KIAA1549: variants seen among roughly 807,000 people sequenced by gnomAD.
The protein encoded by KIAA1549 is KIAA1549.
Under a neutral mutation model 156.4 loss-of-function variants are expected in KIAA1549, and 70 were observed. That is an observed-to-expected ratio of 0.45 (90% confidence interval 0.37 to 0.55). KIAA1549 has a LOEUF of 0.55. Among genes scored for constraint, KIAA1549 ranks in the 20% least tolerant of loss-of-function variants. The pLI is 0.00. For missense variants in KIAA1549, 2,428 were observed against 2,540.9 expected, an observed-to-expected ratio of 0.96 and a Z score of 0.96; for synonymous variants, 1,103 against 1,066.4, an observed-to-expected ratio of 1.03 and a Z score of -0.67.
intron 1 of KIAA1549, among the ~76,000 whole-genome samples, chr7:138,969,074 C>G (rs1021563420): frequency 5.9e-5 from 9 of 152,080 alleles, no homozygotes; most frequent in Admixed American, 3.3e-4. Flanking sequence ...TGCTCCTCTC[C>G]TTCCTCCCAC....
chr7:138,840,364 A>C (rs895457593), intron 18 of KIAA1549, 86 bp from the exon 19 acceptor site: 9 of 1,165,014 alleles, frequency 7.7e-6, no homozygotes, highest in Non-Finnish European at 1.1e-5. Context: ...GACACTGTCA[A>C]CTCTGACCAC....
chr7:138,964,765 G>C (rs1057178721), intron 1 of KIAA1549, among the ~76,000 whole-genome samples: 1 of 152,206 alleles, frequency 6.6e-6, no homozygotes, highest in South Asian at 2.1e-4. Context: ...TGGCACTCTG[G>C]TGCATTGCTA....
At chr7:138,910,209 CT>C (rs1812129494) in intron 4 of KIAA1549, among the ~76,000 whole-genome samples, 1 of 151,904 alleles carries the variant, frequency 6.6e-6, no homozygotes, top group African/African-American at 2.4e-5. Flanking sequence ...TTTGTACATG[CT>C]TGAAATTTCC....
chr7:138,961,879 AAAAG>A (rs1279112791), intron 1 of KIAA1549, among the ~76,000 whole-genome samples: 2 of 151,838 alleles, frequency 1.3e-5, no homozygotes, highest in African/African-American at 4.8e-5. Flanking sequence ...AAGGAAAAAG[AAAAG>A]AAAGGAAGAA....
chr7:138,846,533 C>CAAAA (rs1213246866), intron 17 of KIAA1549, among the ~76,000 whole-genome samples: 9 of 59,980 alleles, frequency 1.5e-4, no homozygotes, highest in African/African-American at 3.3e-4. Flanking sequence ...GACTCCATCT[C>CAAAA]AAAAAAAAAA....
chr7:138,970,837 C>T (rs182556276), intron 1 of KIAA1549, among the ~76,000 whole-genome samples: 5 of 152,336 alleles, frequency 3.3e-5, no homozygotes, highest in East Asian at 1.9e-4. Flanking sequence ...AGCTCCCCAA[C>T]AGTATTTACC....
intron 6 of KIAA1549, among the ~76,000 whole-genome samples, chr7:138,906,452 T>C (rs1451021407): frequency 6.6e-6 from 1 of 152,200 alleles, no homozygotes; most frequent in Non-Finnish European, 1.5e-5. Flanking sequence ...GCAGGAGGTA[T>C]ATGGGAAATC....
chr7:138,958,203 A>G (rs139825755), intron 1 of KIAA1549, among the ~76,000 whole-genome samples: 154 of 152,224 alleles, frequency 1.0e-3, no homozygotes, highest in Middle Eastern at 3.4e-3. Context: ...AAGAGGGGCC[A>G]TCTGCGGGTT....
intron 1 of KIAA1549, among the ~76,000 whole-genome samples, chr7:138,938,874 CCT>C (rs1293012915): frequency 6.6e-6 from 1 of 152,088 alleles, no homozygotes; most frequent in Non-Finnish European, 1.5e-5. Flanking sequence ...ACGGCGAAAC[CCT>C]GTGTCTACTA....
rs762072316 is a variant in KIAA1549 at position 138,840,154 on chromosome 7, G to A, written c.5577C>T (p.Asp1859=). The A allele has an allele frequency of 3.4e-5, 53 of 1,553,260 alleles. No individual in the cohort carries two copies. In the Admixed American group the frequency reaches 5.1e-4, roughly 15 times the overall value. ...TCACGGCCTCTCTTCGCCCCGCTTCGTCCTCCCCGTACGAAGGCCAGCCTG... is the reference window on the plus strand; with the variant it reads ...TCACGGCCTCTCTTCGCCCCGCTTCATCCTCCCCGTACGAAGGCCAGCCTG... ...GGPGWPSYGE[D]EAGRREATHM... Residue 1859 remains aspartate, a synonymous_variant, in exon 19 of 20, where the codon GAC becomes GAT. Coordinates refer to ENST00000422774, the MANE Select transcript of KIAA1549 (RefSeq NM_001164665.2).
intron 19 of KIAA1549, among the ~76,000 whole-genome samples, chr7:138,839,238 G>C (rs969406160): frequency 6.6e-6 from 1 of 152,116 alleles, no homozygotes; most frequent in Non-Finnish European, 1.5e-5. Flanking sequence ...GCACAGAAAT[G>C]CAACAGACAC....
chr7:138,840,174 A>C lies in KIAA1549; in HGVS notation c.5557T>G (p.Trp1853Gly). ...GCTTCGTCCTCCCCGTACGAAGGCCAGCCTGGCCCCCCATACTGGCTGCCT... is the reference window on the plus strand; with the variant it reads ...GCTTCGTCCTCCCCGTACGAAGGCCCGCCTGGCCCCCCATACTGGCTGCCT... ...SRGSQYGGPG[W>G]PSYGEDEAGR... Residue 1853 changes from tryptophan to glycine, a missense_variant, in exon 19 of 20, where the codon TGG becomes GGG. Physicochemically the swap from Trp to Gly is radical, Grantham distance 184 (BLOSUM62 -2). This residue lies in a region of KIAA1549 where 363 missense variants were observed against 354.0 expected (regional missense o/e 1.03). Transcript: ENST00000422774. The C allele has an allele frequency of 6.4e-7, 1 of 1,559,252 alleles. No homozygotes were observed. Among genetic ancestry groups the C allele is most frequent in the South Asian group, 1.2e-5 (1 of 84,406 alleles).
intron 14 of KIAA1549, among the ~76,000 whole-genome samples, chr7:138,869,063 GA>G (rs1810841398): frequency 6.6e-6 from 1 of 152,232 alleles, no homozygotes; most frequent in Non-Finnish European, 1.5e-5. Context: ...TAAGACCCCA[GA>G]CCCTGCAGGC....
chr7:138,879,451 G>T (rs905086027), intron 12 of KIAA1549, 87 bp downstream of exon 12: 3 of 750,598 alleles, frequency 4.0e-6, no homozygotes, highest in Non-Finnish European at 6.4e-6. Flanking sequence ...TTTTTTAAGG[G>T]TTTAGCATTT....
intron 10 of KIAA1549, among the ~76,000 whole-genome samples, chr7:138,885,810 C>G (rs1038563489): frequency 7.9e-5 from 12 of 152,152 alleles, no homozygotes; most frequent in Non-Finnish European, 5.9e-5. Context: ...ATTAATCAAA[C>G]CCAAAAAGCG....
At chr7:138,844,797 G>A (rs549162710) in intron 17 of KIAA1549, among the ~76,000 whole-genome samples, 4 of 151,622 alleles carry the variant, frequency 2.6e-5, no homozygotes, top group Admixed American at 1.3e-4. Context: ...TGGCGGGCCC[G>A]AAAAAATCAC....
chr7:138,883,344 G>A (rs1056665304), intron 10 of KIAA1549, among the ~76,000 whole-genome samples: 1 of 147,566 alleles, frequency 6.8e-6, no homozygotes, highest in African/African-American at 2.5e-5. Flanking sequence ...AGACAGTCTG[G>A]CTCCATCACC....
rs149876667 is a variant in KIAA1549 at position 138,918,490 on chromosome 7, G to C, written c.1136C>G (p.Ser379Cys). The C allele has an allele frequency of 2.3e-4, 368 of 1,614,046 alleles. 1 individual carries two copies. In the African/African-American group the frequency reaches 4.2e-3, roughly 18 times the overall value. Residue 379 changes from serine (S) to cysteine (C), a missense_variant, in exon 2 of 20, where the codon TCT becomes TGT. Ser to Cys is a moderately radical substitution (Grantham distance 112). Coordinates refer to ENST00000422774, the MANE Select transcript of KIAA1549 (RefSeq NM_001164665.2). The surrounding 1 kb of genome is among the most constrained non-coding windows in gnomAD (Gnocchi z 4.2). ...ASSASPTDVS[S>C]NPFLPSDSSK... ...GGAGTCGCTAGGGAGAAAGGGGTTA[G>C]ATGAAACATCAGTTGGTGAAGCAGA...
Position 138,944,664 on chromosome 7 carries a change from GA to G in KIAA1549, c.188-25227del, listed in dbSNP as rs535147034. Among the ~76,000 whole-genome samples the G allele has an allele frequency of 3.0e-3, 421 of 142,164 alleles. 3 individuals are homozygous for G. Among genetic ancestry groups the G allele is most frequent in the South Asian group, 0.011 (49 of 4,492 alleles). 93.3% of individuals were successfully genotyped at this position (142,164 alleles called of 152,430 possible). A position where few individuals can be genotyped will look rare whatever the true frequency, so the allele number is the denominator to read the frequency against. On this transcript the variant is annotated intron_variant, in intron 1 of 19. Coordinates refer to ENST00000422774, the MANE Select transcript of KIAA1549 (RefSeq NM_001164665.2). ...CCAAATGTCCACCAACTAATGAATG[GA>G]AAAAAAAAAAGGTGATATATCCATA...
Sources: gnomAD v4.1 joint callset for allele counts (sites outside exome capture counted in the v4.1 genomes callset) on GRCh38, gnomAD v4.1.1 for gene constraint, gnomAD v4.1.1 regional missense constraint, Gnocchi (gnomAD v3.1) non-coding constraint, MANE v1.5 for transcripts, NCBI Gene and HGNC (gene_info 2026-07-23, HGNC 2026-07-21) for gene names.